Variants in ZNF233 observed in about 807,000 individuals in gnomAD.
The protein encoded by ZNF233 is zinc finger protein 233.
In ZNF233, 7 loss-of-function variants were observed where a neutral mutation model predicts 11.6. That is an observed-to-expected ratio of 0.60 (90% CI 0.34 to 1.13). The LOEUF (loss-of-function observed/expected upper bound fraction) is 1.13, where lower values mean the gene tolerates loss of function less well. ZNF233 is among the 50% of genes most tolerant of loss of function. ZNF233 has a pLI of 0.03. For missense variants in ZNF233, 711 were observed against 785.5 expected (o/e 0.91, Z 1.13); for synonymous variants, 226 against 268.5 (o/e 0.84, Z 1.55).
At chr19:44,266,031 T>G in intron 2 of ZNF233, 167 bp from the exon 3 acceptor site, 1 of 556,770 alleles carries the variant, frequency 1.8e-6, no homozygotes, top group Non-Finnish European at 2.9e-6. Flanking sequence ...AAGTAGTCTA[T>G]GAGATTGGCA....
chr19:44,273,253 G>A lies in ZNF233; in HGVS notation c.593G>A (p.Cys198Tyr), dbSNP rs141527246. The change falls in exon 5 of 5, where the codon TGT becomes TAT. Residue 198 changes from cysteine (C) to tyrosine (Y), a missense_variant. Transcript: ENST00000683810. ...GAACCACAGAATTATCAGAGTAGGT[G>A]TCAGCAAATTGATGTAAAAAATAAG... The part of the protein sequence containing the change: ...LREPQNYQSR[C>Y]QQIDVKNKLC... 1.4e-3 allele frequency: 2,258 copies of A among 1,613,906 alleles called. 4 individuals are homozygous for A. Among genetic ancestry groups the A allele is most frequent in the Non-Finnish European group, 1.6e-3 (1,859 of 1,180,030 alleles).
chr19:44,266,603 C>T (rs1192720800), intron 3 of ZNF233, among the ~76,000 whole-genome samples: 1 of 151,958 alleles, frequency 6.6e-6, no homozygotes, highest in East Asian at 1.9e-4. Flanking sequence ...GCATTCAGTG[C>T]AACGAAAATT....
chr19:44,273,002 T>C lies in ZNF233; in HGVS notation c.342T>C (p.Ser114=). The C allele has an allele frequency of 6.2e-7, 1 of 1,613,946 alleles. No homozygotes were observed. Among genetic ancestry groups the C allele is most frequent in the Non-Finnish European group, 8.5e-7 (1 of 1,179,976 alleles). Reference sequence around the variant, plus strand: ...GGCAAATATGGGAACAATTTACAAGTAAATTAACCAGTAATCAAGACCTAA... The same window carrying C: ...GGCAAATATGGGAACAATTTACAAGCAAATTAACCAGTAATCAAGACCTAA... ...ICWQIWEQFT[S]KLTSNQDLII... Residue 114 remains serine, a synonymous_variant, in exon 5 of 5, where the codon AGT becomes AGC. Coordinates refer to ENST00000683810, the MANE Select transcript of ZNF233 (RefSeq NM_001207005.2).
intron 4 of ZNF233, among the ~76,000 whole-genome samples, 154 bp from the exon 5 acceptor site, chr19:44,272,745 A>C (rs1343682908): frequency 1.3e-5 from 2 of 152,028 alleles, no homozygotes; most frequent in African/African-American, 2.4e-5. Flanking sequence ...AAAAAACAAA[A>C]AAAGAGAAAA....
chr19:44,265,402 CA>C (rs1406260058), intron 2 of ZNF233, among the ~76,000 whole-genome samples: 3 of 149,594 alleles, frequency 2.0e-5, no homozygotes, highest in South Asian at 2.1e-4. Flanking sequence ...CACACACACA[CA>C]CACACACCAC....
At chr19:44,260,711 A>T (rs1974914752) in intron 1 of ZNF233, among the ~76,000 whole-genome samples, 1 of 151,964 alleles carries the variant, frequency 6.6e-6, no homozygotes, top group Non-Finnish European at 1.5e-5. Flanking sequence ...GAGGGTGTTG[A>T]CCCCCTGGCT....
intron 4 of ZNF233, 146 bp downstream of exon 4, chr19:44,267,107 T>C: frequency 3.6e-6 from 2 of 559,076 alleles, no homozygotes; most frequent in South Asian, 2.9e-5. Context: ...TTCCTCCTTC[T>C]ACCTCCCTCC....
At chr19:44,266,462 T>C in intron 3 of ZNF233, 138 bp downstream of exon 3, 1 of 1,176,618 alleles carries the variant, frequency 8.5e-7, no homozygotes, top group Non-Finnish European at 1.1e-6. Context: ...GGACATCTTG[T>C]CTATACCTTG....
At position 44,266,875 on chromosome 19, in the gene ZNF233, C is replaced by T. The variant is rs1228694840; in HGVS notation, c.152C>T (p.Pro51Leu). Reference sequence around the variant, plus strand: ...CATTTCTTTTTCACAGGCTATCAACCCTTCAAACTAGATGTGATATTACAG... The same window carrying T: ...CATTTCTTTTTCACAGGCTATCAACTCTTCAAACTAGATGTGATATTACAG... ...FRNLLSVGYQ[P>L]FKLDVILQLG... The change falls in exon 4 of 5, where the codon CCC (proline) becomes CTC (leucine). Residue 51 changes from proline (P) to leucine (L), a missense_variant. Coordinates refer to ENST00000683810, the MANE Select transcript of ZNF233 (RefSeq NM_001207005.2). The T allele has an allele frequency of 6.2e-7, 1 of 1,612,804 alleles. No homozygotes were observed. Among genetic ancestry groups the T allele is most frequent in the African/African-American group, 1.3e-5 (1 of 74,982 alleles).
chr19:44,264,772 T>C (rs1975024566), intron 2 of ZNF233, among the ~76,000 whole-genome samples: 1 of 138,796 alleles, frequency 7.2e-6, no homozygotes, highest in South Asian at 2.1e-4. Context: ...CTTTTTTCAG[T>C]TAATGTTGTT....
At chr19:44,265,821 CT>C (rs1229065555) in intron 2 of ZNF233, among the ~76,000 whole-genome samples, 1 of 152,000 alleles carries the variant, frequency 6.6e-6, no homozygotes, top group African/African-American at 2.4e-5. Flanking sequence ...GTACAAACAC[CT>C]TTTTCAGCGT....
Position 44,275,125 on chromosome 19 carries a change from C to G in ZNF233, c.*452C>G, listed in dbSNP as rs551989727. ...GCATGATCGTGACCTTGAACAAGTA[C>G]CTAAGAAATAGTGGCTTCCCTGGAA... On this transcript the variant is annotated 3_prime_UTR_variant, in exon 5 of 5. Transcript: ENST00000683810. 1.5e-5 allele frequency: 6 copies of G among 395,760 alleles called. No individual in the cohort carries two copies. Among genetic ancestry groups the G allele is most frequent in the African/African-American group, 1.2e-4 (6 of 48,606 alleles). 24.5% of individuals were successfully genotyped at this position (395,760 alleles called of 1,614,324 possible).
chr19:44,266,896 T>C lies in ZNF233; in HGVS notation c.173T>C (p.Leu58Ser). 1 of 1,614,044 alleles carries C rather than the reference T, an allele frequency of 6.2e-7. No individual in the cohort carries two copies. The highest frequency in any genetic ancestry group is 8.5e-7 in the Non-Finnish European group (1 of 1,179,948). The change falls in exon 4 of 5, where the codon TTA becomes TCA. Residue 58 changes from leucine (L) to serine (S), a missense_variant. Physicochemically the swap from Leu to Ser is moderately radical, Grantham distance 145. Coordinates refer to ENST00000683810, the MANE Select transcript of ZNF233 (RefSeq NM_001207005.2). Reference sequence around the variant, plus strand: ...CAACCCTTCAAACTAGATGTGATATTACAGTTGGGAAAAGAAGACAAGCTT... The same window carrying C: ...CAACCCTTCAAACTAGATGTGATATCACAGTTGGGAAAAGAAGACAAGCTT... Reference protein sequence around the residue: ...GYQPFKLDVILQLGKEDKLRM... With the variant: ...GYQPFKLDVISQLGKEDKLRM...
intron 4 of ZNF233, among the ~76,000 whole-genome samples, chr19:44,269,144 CT>C (rs1003680436): frequency 6.6e-6 from 1 of 151,508 alleles, no homozygotes; most frequent in African/African-American, 2.4e-5. Context: ...TAAAAATTTT[CT>C]TTTTTTGTTT....
rs1975125540 is a variant in ZNF233 at position 44,267,552 on chromosome 19, T to C, written c.238+591T>C. ...TAAAACTATGTATATATACATGTTT[T>C]TTTTTTTTTGGTAGAGATGAGGTCT... On this transcript the variant is annotated intron_variant, in intron 4 of 4. Transcript: ENST00000683810. 4 of 395,520 alleles carry C rather than the reference T, an allele frequency of 1.0e-5. No individual in the cohort carries two copies. The Middle Eastern group carries it at 1.9e-3, about 188-fold the overall frequency. 24.5% of individuals were successfully genotyped at this position (395,520 alleles called of 1,614,324 possible). A position where few individuals can be genotyped will look rare whatever the true frequency, so the allele number is the denominator to read the frequency against.
chr19:44,273,377 T>C lies in ZNF233; in HGVS notation c.717T>C (p.Cys239=). 1 of 1,614,158 alleles carries C rather than the reference T, an allele frequency of 6.2e-7. No individual in the cohort carries two copies. The highest frequency in any genetic ancestry group is 8.5e-7 in the Non-Finnish European group (1 of 1,180,038). Residue 239 remains cysteine, a synonymous_variant, in exon 5 of 5, where the codon TGT becomes TGC. Transcript: ENST00000683810. ...KREKAFSHNN[C]GKDCVKESSQ... is the part of the protein sequence containing the mutation. ...AGAAAGCTTTTAGCCACAATAATTG[T>C]GGAAAAGACTGTGTGAAGGAATCAT... is the stretch of plus-strand genomic sequence containing the variant.
intron 1 of ZNF233, among the ~76,000 whole-genome samples, chr19:44,264,049 C>G (rs1975000909): frequency 6.6e-6 from 1 of 152,200 alleles, no homozygotes; most frequent in Non-Finnish European, 1.5e-5. Context: ...ACTTTTGTAG[C>G]CAGTACATTC....
chr19:44,266,411 G>A, intron 3 of ZNF233, 87 bp downstream of exon 3: 2 of 1,381,392 alleles, frequency 1.4e-6, no homozygotes, highest in Admixed American at 2.7e-5. Context: ...CGCTTAAAAT[G>A]CTTCCCTGAA....
rs753805573 is a variant in ZNF233, at chr19:44,273,680, C to T, written c.1020C>T (p.Asn340=). ...QPHQRVSTGE[N]LYRCQVYARS... The stretch of plus-strand genomic sequence containing the variant: ...ATCAGAGAGTCAGCACAGGAGAGAA[C>T]CTCTACAGATGTCAGGTATATGCCC... The change falls in exon 5 of 5, where the codon AAC becomes AAT. Residue 340 remains asparagine (N), a synonymous_variant. Coordinates refer to ENST00000683810, the MANE Select transcript of ZNF233 (RefSeq NM_001207005.2). 6.2e-7 allele frequency: 1 copy of T among 1,613,752 alleles called. No individual in the cohort carries two copies. The highest frequency in any genetic ancestry group is 8.5e-7 in the Non-Finnish European group (1 of 1,179,914).
Sources: allele counts gnomAD v4.1 joint callset (sites outside exome capture counted in the v4.1 genomes callset), GRCh38; gene constraint gnomAD v4.1.1; transcripts MANE v1.5; gene names NCBI Gene and HGNC (gene_info 2026-07-23, HGNC 2026-07-21).